The following SLC71A2 variants were observed in gnomAD, a reference collection of about 807,000 sequenced individuals.
SLC71A2 encodes solute carrier family 71 member 2.
the SLC71A2 span, among the ~76,000 whole-genome samples, chr9:94,425,842 C>T: frequency 6.6e-6 from 1 of 152,104 alleles, no homozygotes; most frequent in African/African-American, 2.4e-5. Flanking sequence ...AAAGTTCATG[C>T]TATGCCCAGG....
chr9:94,383,161 C>CTTTTTTTTTT, the SLC71A2 span, among the ~76,000 whole-genome samples: 1 of 105,778 alleles, frequency 9.5e-6, no homozygotes, highest in Non-Finnish European at 1.8e-5. Context: ...GCTTTTACAT[C>CTTTTTTTTTT]TTTTTTTTTT....
the SLC71A2 span, among the ~76,000 whole-genome samples, chr9:94,455,026 T>TA: frequency 2.6e-5 from 4 of 152,126 alleles, no homozygotes; most frequent in Non-Finnish European, 5.9e-5. Context: ...AGCTGGTCCT[T>TA]ACTTTGGACA....
chr9:94,414,533 T>A, the SLC71A2 span, among the ~76,000 whole-genome samples: 1 of 152,192 alleles, frequency 6.6e-6, no homozygotes, highest in South Asian at 2.1e-4. Context: ...AGAAGTTAAG[T>A]TGCTAAGGAA....
chr9:94,452,733 TTATA>T, the SLC71A2 span, among the ~76,000 whole-genome samples: 17 of 99,868 alleles, frequency 1.7e-4, no homozygotes, highest in East Asian at 3.1e-3. Flanking sequence ...ATAATAGATA[TTATA>T]TATAAATATC....
chr9:94,384,821 TAA>T, the SLC71A2 span, among the ~76,000 whole-genome samples: 1 of 150,586 alleles, frequency 6.6e-6, no homozygotes, highest in Admixed American at 6.6e-5. Context: ...AGAAAATGGT[TAA>T]AAAAAAAATA....
chr9:94,459,910 C>G, the SLC71A2 span: 1 of 155,342 alleles, frequency 6.4e-6, no homozygotes, highest in African/African-American at 2.4e-5. Context: ...TAAAGAGTCA[C>G]TCAGTATCAG....
the SLC71A2 span, chr9:94,458,476 A>ATAAG: frequency 1.2e-6 from 2 of 1,613,006 alleles, no homozygotes; most frequent in East Asian, 2.2e-5. Context: ...TAATTTGGTC[A>ATAAG]TAAGTCTAGT....
At chr9:94,442,170 A>T in the SLC71A2 span, among the ~76,000 whole-genome samples, 2 of 152,188 alleles carry the variant, frequency 1.3e-5, no homozygotes, top group Non-Finnish European at 2.9e-5. Context: ...CCAGAAACTT[A>T]GGTTATTTAT....
chr9:94,447,613 C>T, the SLC71A2 span, among the ~76,000 whole-genome samples: 8 of 151,818 alleles, frequency 5.3e-5, no homozygotes, highest in African/African-American at 1.7e-4. Flanking sequence ...CCTCCACTAT[C>T]AACATCTCCC....
At chr9:94,459,594 T>TA in the SLC71A2 span, 1 of 565,910 alleles carries the variant, frequency 1.8e-6, no homozygotes, top group Non-Finnish European at 3.0e-6. Flanking sequence ...TCTCTTACAT[T>TA]CTTTTTTTTT....
chr9:94,436,862 G>A, the SLC71A2 span, among the ~76,000 whole-genome samples: 2 of 152,202 alleles, frequency 1.3e-5, no homozygotes, highest in Non-Finnish European at 1.5e-5. Context: ...TTGAAAACCA[G>A]TGTTTACCAG....
At chr9:94,459,544 C>G in the SLC71A2 span, 3 of 821,988 alleles carry the variant, frequency 3.6e-6, no homozygotes, top group Admixed American at 8.6e-5. Flanking sequence ...ATAAATACCA[C>G]CGCCATCATT....
At chr9:94,404,279 C>T in the SLC71A2 span, among the ~76,000 whole-genome samples, 282 of 152,138 alleles carry the variant, frequency 1.9e-3, 2 homozygotes, top group Middle Eastern at 0.017. Flanking sequence ...TGATGTGTAT[C>T]TTTTCTTTTT....
At chr9:94,404,787 T>C in the SLC71A2 span, among the ~76,000 whole-genome samples, 18 of 152,364 alleles carry the variant, frequency 1.2e-4, no homozygotes, top group Non-Finnish European at 2.4e-4. Flanking sequence ...ATTCTGTAGA[T>C]TGCCTTTTCA....
At chr9:94,407,376 G>GTTTTCT in the SLC71A2 span, among the ~76,000 whole-genome samples, 1 of 149,936 alleles carries the variant, frequency 6.7e-6, no homozygotes, top group Non-Finnish European at 1.5e-5. Context: ...TTGGTCTGTA[G>GTTTTCT]TTTTCTTTTT....
the SLC71A2 span, among the ~76,000 whole-genome samples, chr9:94,421,283 A>G: frequency 6.6e-6 from 1 of 152,224 alleles, no homozygotes; most frequent in African/African-American, 2.4e-5. Flanking sequence ...CAAATTATAA[A>G]TACACAGCTT....
At chr9:94,456,579 A>C in the SLC71A2 span, among the ~76,000 whole-genome samples, 81 of 151,888 alleles carry the variant, frequency 5.3e-4, no homozygotes, top group African/African-American at 1.9e-3. Flanking sequence ...AAATAGAACT[A>C]TTCATTTTCC....
chr9:94,430,062 G>A, the SLC71A2 span, among the ~76,000 whole-genome samples: 3 of 150,900 alleles, frequency 2.0e-5, no homozygotes, highest in Non-Finnish European at 4.4e-5. Context: ...GCACCACCAC[G>A]CCCAGCTGAT....
the SLC71A2 span, among the ~76,000 whole-genome samples, chr9:94,428,992 A>G: frequency 6.6e-6 from 1 of 152,008 alleles, no homozygotes; most frequent in East Asian, 1.9e-4. Flanking sequence ...CATGTTTTTT[A>G]GTGGCTTGGT....
Sources: gnomAD v4.1 joint callset for allele counts (sites outside exome capture counted in the v4.1 genomes callset) on GRCh38, gnomAD v4.1.1 for gene constraint, MANE v1.5 for transcripts, NCBI Gene and HGNC (gene_info 2026-07-23, HGNC 2026-07-21) for gene names.